Variants in HPSE2 observed in about 807,000 individuals in gnomAD.
HPSE2 encodes the protein inactive heparanase-2.
A neutral mutation model predicts 60.5 loss-of-function variants in HPSE2; 38 were observed. The observed-to-expected ratio is 0.63, with a 90% confidence interval of 0.48 to 0.82. The LOEUF (loss-of-function observed/expected upper bound fraction) is 0.82, where lower values mean the gene tolerates loss of function less well. Ranked by LOEUF, HPSE2 falls within the 40% of genes least tolerant of loss-of-function variation. The probability of loss-of-function intolerance (pLI) is 0.00; values close to 1 mark genes in which losing one functional copy is unlikely to be tolerated. For synonymous variants in HPSE2, 295 were observed against 293.2 expected (o/e 1.01, Z -0.06); for missense variants, 713 against 740.4 (o/e 0.96, Z 0.43).
At chr10:99,258,010 G>T in the HPSE2 span, among the ~76,000 whole-genome samples, 1 of 151,984 alleles carries the variant, frequency 6.6e-6, no homozygotes, top group Non-Finnish European at 1.5e-5. Context: ...GCGTGGTGGC[G>T]TGTGACTGTA....
At chr10:99,167,470 T>C (rs1270227790) in intron 2 of HPSE2, among the ~76,000 whole-genome samples, 1 of 152,274 alleles carries the variant, frequency 6.6e-6, no homozygotes, top group African/African-American at 2.4e-5. Context: ...GCAAGGTTTA[T>C]CTTTTCACAT....
chr10:98,555,794 A>T (rs1943991314), intron 9 of HPSE2, among the ~76,000 whole-genome samples: 1 of 152,228 alleles, frequency 6.6e-6, no homozygotes, highest in Admixed American at 6.5e-5. Context: ...ATTTGACAAC[A>T]CGAAAATAAC....
At chr10:99,268,103 T>A in the HPSE2 span, among the ~76,000 whole-genome samples, 1 of 152,164 alleles carries the variant, frequency 6.6e-6, no homozygotes, top group East Asian at 1.9e-4. Context: ...CAGAGATTTC[T>A]CAGCAGAAAC....
At chr10:98,705,714 A>C (rs1270940532) in intron 5 of HPSE2, among the ~76,000 whole-genome samples, 1 of 152,136 alleles carries the variant, frequency 6.6e-6, no homozygotes, top group Non-Finnish European at 1.5e-5. Flanking sequence ...ATGAGAACAC[A>C]TGGACACAGG....
At chr10:99,010,482 G>T (rs1589511220) in intron 3 of HPSE2, among the ~76,000 whole-genome samples, 1 of 152,294 alleles carries the variant, frequency 6.6e-6, no homozygotes, top group East Asian at 1.9e-4. Flanking sequence ...TAAATGGGCA[G>T]AAATTTTAAG....
intron 9 of HPSE2, among the ~76,000 whole-genome samples, chr10:98,593,211 A>C (rs1353868561): frequency 6.6e-6 from 1 of 152,214 alleles, no homozygotes; most frequent in Admixed American, 6.5e-5. Context: ...AAGTGCTATG[A>C]AAGAACCAGA....
intron 3 of HPSE2, among the ~76,000 whole-genome samples, chr10:98,843,382 T>A (rs1565204237): frequency 6.6e-6 from 1 of 152,306 alleles, no homozygotes; most frequent in East Asian, 1.9e-4. Context: ...GATTGGGGTA[T>A]ACAGGAAATG....
chr10:99,231,732 C>T (rs1849651446), intron 2 of HPSE2, among the ~76,000 whole-genome samples: 1 of 151,938 alleles, frequency 6.6e-6, no homozygotes. Context: ...ATTAGGCAAT[C>T]TGAAGAAGAA....
At chr10:99,263,663 C>G in the HPSE2 span, among the ~76,000 whole-genome samples, 2 of 152,050 alleles carry the variant, frequency 1.3e-5, no homozygotes, top group Non-Finnish European at 2.9e-5. Flanking sequence ...TTGGTCACTC[C>G]TATTTACTCT....
intron 4 of HPSE2, among the ~76,000 whole-genome samples, chr10:98,731,793 G>A (rs1949234892): frequency 2.6e-5 from 4 of 152,070 alleles, no homozygotes; most frequent in African/African-American, 7.2e-5. Context: ...AGGCAAGGGA[G>A]AGAAATAAAA....
intron 3 of HPSE2, among the ~76,000 whole-genome samples, chr10:98,982,356 C>G (rs527768675): frequency 2.6e-5 from 4 of 152,086 alleles, no homozygotes; most frequent in Non-Finnish European, 5.9e-5. Flanking sequence ...CACAATAAAA[C>G]AGATGGAAGA....
chr10:98,833,493 G>A (rs972351346), intron 3 of HPSE2, among the ~76,000 whole-genome samples: 1 of 152,066 alleles, frequency 6.6e-6, no homozygotes, highest in Non-Finnish European at 1.5e-5. Flanking sequence ...GTTATTAATA[G>A]GTAACATTCA....
intron 3 of HPSE2, among the ~76,000 whole-genome samples, chr10:99,072,665 C>T (rs533696305): frequency 6.6e-6 from 1 of 152,154 alleles, no homozygotes; most frequent in South Asian, 2.1e-4. Flanking sequence ...GCGGCTCATG[C>T]CTATAATCCC....
At chr10:99,000,235 T>C (rs1956746750) in intron 3 of HPSE2, among the ~76,000 whole-genome samples, 1 of 152,044 alleles carries the variant, frequency 6.6e-6, no homozygotes, top group Non-Finnish European at 1.5e-5. Context: ...ACCTTGATGA[T>C]AGTGGGATCA....
At chr10:99,077,230 T>TCAAATA (rs1842976717) in intron 3 of HPSE2, among the ~76,000 whole-genome samples, 1 of 152,200 alleles carries the variant, frequency 6.6e-6, no homozygotes, top group Non-Finnish European at 1.5e-5. Context: ...TTAGGGCTCC[T>TCAAATA]GGATCTGGAT....
chr10:99,296,180 C>T, the HPSE2 span, among the ~76,000 whole-genome samples: 4 of 152,170 alleles, frequency 2.6e-5, no homozygotes, highest in African/African-American at 9.7e-5. Context: ...GAACATTTAG[C>T]TTTCCATGTA....
chr10:98,836,850 C>T (rs1951801169), intron 3 of HPSE2, among the ~76,000 whole-genome samples: 1 of 152,104 alleles, frequency 6.6e-6, no homozygotes, highest in African/African-American at 2.4e-5. Context: ...CCCAGCCTGG[C>T]CAACATGGAG....
At chr10:98,812,968 T>C (rs770068882) in intron 3 of HPSE2, among the ~76,000 whole-genome samples, 1 of 152,170 alleles carries the variant, frequency 6.6e-6, no homozygotes, top group Non-Finnish European at 1.5e-5. Context: ...CAGCAGGGCA[T>C]GAACCAAAGC....
At chr10:98,586,196 A>G (rs758706571) in intron 9 of HPSE2, among the ~76,000 whole-genome samples, 14 of 152,330 alleles carry the variant, frequency 9.2e-5, no homozygotes, top group Non-Finnish European at 1.8e-4. Flanking sequence ...ATGCCTCAGT[A>G]TCTACCATGC....
Sources: allele counts gnomAD v4.1 joint callset (sites outside exome capture counted in the v4.1 genomes callset), GRCh38; gene constraint gnomAD v4.1.1; transcripts MANE v1.5; gene names NCBI Gene and HGNC (gene_info 2026-07-23, HGNC 2026-07-21).